The following TMEM131 variants were observed in gnomAD, a reference collection of about 807,000 sequenced individuals.
The protein encoded by TMEM131 is transmembrane protein 131, also known as 2610524E03Rik.
TMEM131 carries 66 observed loss-of-function variants against 211.6 expected under a neutral mutation model. That is an observed-to-expected ratio of 0.31 (90% CI 0.26 to 0.38). The LOEUF (loss-of-function observed/expected upper bound fraction) is 0.38, where lower values mean the gene tolerates loss of function less well. Ranked by LOEUF, TMEM131 falls within the 10% of genes least tolerant of loss-of-function variation. The probability of loss-of-function intolerance (pLI) is 1.00; values close to 1 mark genes in which losing one functional copy is unlikely to be tolerated. For missense variants in TMEM131, 2,036 were observed against 2,299.3 expected, an observed-to-expected ratio of 0.89 and a Z score of 2.34; for synonymous variants, 844 against 841.3, an observed-to-expected ratio of 1.00 and a Z score of -0.06.
chr2:97,860,463 T>C (rs1291279097), intron 4 of TMEM131, among the ~76,000 whole-genome samples: 2 of 152,230 alleles, frequency 1.3e-5, no homozygotes, highest in Non-Finnish European at 2.9e-5. Context: ...TTTTACATTT[T>C]GTAATTCACA....
intron 31 of TMEM131, 90 bp downstream of exon 31, chr2:97,792,296 T>C: frequency 1.8e-6 from 2 of 1,136,282 alleles, no homozygotes; most frequent in Non-Finnish European, 2.4e-6. Context: ...GAATTAGTTG[T>C]TTACCACAAC....
At chr2:97,912,152 G>T (rs114886685) in intron 2 of TMEM131, among the ~76,000 whole-genome samples, 1 of 152,010 alleles carries the variant, frequency 6.6e-6, no homozygotes, top group African/African-American at 2.4e-5. Context: ...GGCAAATAAG[G>T]ATTACAACAT....
intron 1 of TMEM131, 105 bp downstream of exon 1, chr2:97,995,369 TTG>T: frequency 8.6e-7 from 1 of 1,161,312 alleles, no homozygotes; most frequent in Non-Finnish European, 1.1e-6. Flanking sequence ...CCGCCCAACT[TTG>T]CGCCGGAGCC....
At chr2:97,903,334 G>C (rs559450695) in intron 3 of TMEM131, among the ~76,000 whole-genome samples, 2 of 152,272 alleles carry the variant, frequency 1.3e-5, no homozygotes, top group Non-Finnish European at 2.9e-5. Flanking sequence ...GGATAAAAAT[G>C]AACTGTGACC....
At chr2:97,859,495 AAATT>A (rs1673978854) in intron 4 of TMEM131, 68 bp from the exon 5 acceptor site, 1 of 1,320,806 alleles carries the variant, frequency 7.6e-7, no homozygotes, top group Non-Finnish European at 1.0e-6. Context: ...AGTTGTTAAA[AAATT>A]AATCAAAATT....
intron 1 of TMEM131, among the ~76,000 whole-genome samples, chr2:97,972,216 C>G (rs1002344681): frequency 7.2e-5 from 11 of 152,038 alleles, no homozygotes; most frequent in African/African-American, 2.7e-4. Flanking sequence ...TTTCTGCCAA[C>G]TGGAAAAATC....
intron 33 of TMEM131, among the ~76,000 whole-genome samples, chr2:97,767,357 C>T (rs1164615148): frequency 6.6e-6 from 1 of 152,096 alleles, no homozygotes; most frequent in African/African-American, 2.4e-5. Context: ...GAATGAATCT[C>T]TGAGAGAAAT....
intron 1 of TMEM131, among the ~76,000 whole-genome samples, chr2:97,956,195 G>A (rs1024048251): frequency 1.3e-5 from 2 of 152,116 alleles, no homozygotes; most frequent in Admixed American, 6.5e-5. Flanking sequence ...CAGAAAGAGA[G>A]CCACACAAAT....
At chr2:97,954,181 A>C (rs1678454623) in intron 1 of TMEM131, among the ~76,000 whole-genome samples, 2 of 152,130 alleles carry the variant, frequency 1.3e-5, no homozygotes, top group Admixed American at 1.3e-4. Context: ...AAACCAATGA[A>C]ATTGAAAACA....
At chr2:97,910,277 G>A (rs1267545734) in intron 2 of TMEM131, among the ~76,000 whole-genome samples, 1 of 152,164 alleles carries the variant, frequency 6.6e-6, no homozygotes, top group Non-Finnish European at 1.5e-5. Context: ...TGCACTGTTA[G>A]TGTGAATATT....
intron 1 of TMEM131, among the ~76,000 whole-genome samples, chr2:97,993,828 TG>T (rs1680366534): frequency 6.6e-6 from 1 of 152,216 alleles, no homozygotes. Flanking sequence ...ACAAAAGGTT[TG>T]TTTACTTAAC....
At chr2:97,957,727 A>G (rs1259739330) in intron 1 of TMEM131, among the ~76,000 whole-genome samples, 1 of 152,284 alleles carries the variant, frequency 6.6e-6, no homozygotes, top group African/African-American at 2.4e-5. Context: ...GGGAAAGCTT[A>G]TACCTGCTGG....
intron 11 of TMEM131, among the ~76,000 whole-genome samples, chr2:97,830,132 T>TA (rs60531384): frequency 0.32 from 23,373 of 72,142 alleles, 3,767 homozygotes; most frequent in Middle Eastern, 0.47. Context: ...CATTATCAGT[T>TA]AAAAAAAAAA....
chr2:97,835,510 G>A (rs1573436379), intron 8 of TMEM131, among the ~76,000 whole-genome samples: 1 of 152,272 alleles, frequency 6.6e-6, no homozygotes, highest in South Asian at 2.1e-4. Flanking sequence ...ATACTAAAAG[G>A]AAGACTTACT....
chr2:97,838,585 C>T (rs1573440889), intron 7 of TMEM131, among the ~76,000 whole-genome samples: 1 of 151,946 alleles, frequency 6.6e-6, no homozygotes, highest in Non-Finnish European at 1.5e-5. Flanking sequence ...GCTGGGATTA[C>T]AGGCACATGC....
intron 2 of TMEM131, among the ~76,000 whole-genome samples, chr2:97,910,307 G>A (rs536888182): frequency 1.3e-5 from 2 of 152,224 alleles, no homozygotes; most frequent in Admixed American, 6.5e-5. Context: ...TAGCCACTAT[G>A]GAAAACAGTA....
At chr2:97,871,028 A>T (rs918631787) in intron 4 of TMEM131, among the ~76,000 whole-genome samples, 1 of 152,248 alleles carries the variant, frequency 6.6e-6, no homozygotes, top group African/African-American at 2.4e-5. Context: ...TATCTTGACA[A>T]TAAAGACATC....
At chr2:97,885,740 A>G (rs1463779329) in intron 4 of TMEM131, among the ~76,000 whole-genome samples, 1 of 152,130 alleles carries the variant, frequency 6.6e-6, no homozygotes, top group African/African-American at 2.4e-5. Context: ...TTTGACTATA[A>G]TGTGCCTCAG....
intron 32 of TMEM131, among the ~76,000 whole-genome samples, chr2:97,774,977 T>C (rs1015644153): frequency 6.6e-6 from 1 of 152,180 alleles, no homozygotes; most frequent in African/African-American, 2.4e-5. Flanking sequence ...TTTTAATGCA[T>C]GTGAATGACA....
Sources: allele counts gnomAD v4.1 joint callset (sites outside exome capture counted in the v4.1 genomes callset), GRCh38; gene constraint gnomAD v4.1.1; transcripts MANE v1.5; gene names NCBI Gene and HGNC (gene_info 2026-07-23, HGNC 2026-07-21).